The following PLEKHA8 variants were observed in gnomAD, a reference collection of about 807,000 sequenced individuals.
The protein encoded by PLEKHA8 is pleckstrin homology domain containing A8.
PLEKHA8 carries 36 observed loss-of-function variants against 68.2 expected under a neutral mutation model. The ratio of observed to expected loss-of-function variants is 0.53; its 90% CI spans 0.40 to 0.70. PLEKHA8 has a LOEUF of 0.70. Among genes scored for constraint, PLEKHA8 ranks in the 30% least tolerant of loss-of-function variants. PLEKHA8 has a pLI of 0.00. For synonymous variants in PLEKHA8, 211 were observed against 216.1 expected (o/e 0.98, Z 0.20); for missense variants, 505 against 615.4 (o/e 0.82, Z 1.90).
chr7:30,103,286 T>C (rs1391924078), intron 13 of PLEKHA8, among the ~76,000 whole-genome samples: 2 of 152,248 alleles, frequency 1.3e-5, no homozygotes, highest in African/African-American at 2.4e-5. Flanking sequence ...TAATGTAATA[T>C]ACCAAAAGTT....
Position 30,066,854 on chromosome 7 carries a change from G to A in PLEKHA8, c.1300+4112G>A, listed in dbSNP as rs78121948. Among the ~76,000 whole-genome samples, 567 of 152,300 alleles carry A rather than the reference G, an allele frequency of 3.7e-3. 6 individuals carry two copies. Among genetic ancestry groups the A allele is most frequent in the African/African-American group, 0.013 (549 of 41,570 alleles). On this transcript the variant is annotated intron_variant, in intron 12 of 13. Coordinates refer to ENST00000449726, the MANE Select transcript of PLEKHA8 (RefSeq NM_001197026.2). ...AGAAAAAATTTTAAAAGGATGCTCA[G>A]TCATGTATTTAATATGAAAGGCTTT...
rs1257500205 is a variant in PLEKHA8 at position 30,055,312 on chromosome 7, G to A, written c.1009G>A (p.Ala337Thr). The change falls in exon 9 of 14, where the codon GCA (alanine) becomes ACA (threonine). Residue 337 changes from alanine (A) to threonine (T), a missense_variant. Transcript: ENST00000449726. ...TGGCATTCCCACAGAAGCATTCTTGGCATCATGTTATGCTGTGGTTCCAGT... is the reference window on the plus strand; with the variant it reads ...TGGCATTCCCACAGAAGCATTCTTGACATCATGTTATGCTGTGGTTCCAGT... Reference protein sequence around the residue: ...DSGIPTEAFLASCYAVVPVLD... With the variant: ...DSGIPTEAFLTSCYAVVPVLD... The A allele has an allele frequency of 6.2e-7, 1 of 1,614,126 alleles. No individual in the cohort carries two copies. Among genetic ancestry groups the A allele is most frequent in the South Asian group, 1.1e-5 (1 of 91,080 alleles).
rs377492136 is a variant in PLEKHA8 at position 30,097,310 on chromosome 7, A to G, written c.1362+23178A>G. 2.0e-5 allele frequency among the ~76,000 whole-genome samples: 3 copies of G among 152,064 alleles called. No homozygotes were observed. The East Asian group carries it at 5.8e-4, about 29-fold the overall frequency. On this transcript the variant is annotated intron_variant, in intron 13 of 13. Transcript: ENST00000396257. The stretch of plus-strand genomic sequence containing the variant: ...GAATCTGATAATTATGTGTCTTGGA[A>G]TTGCTCTTCTTGAGGAGTCTCTTTG...
In PLEKHA8 at chr7:30,083,066, A is replaced by G; in HGVS notation, c.*4279A>G. On this transcript the variant is annotated 3_prime_UTR_variant, in exon 14 of 14. Transcript: ENST00000449726. Reference sequence around the variant, plus strand: ...TCTATCAACCTTTTTTAAATTTTAAAATTTTTAGATGTAGAGTTTATAAGT... The same window carrying G: ...TCTATCAACCTTTTTTAAATTTTAAGATTTTTAGATGTAGAGTTTATAAGT... 1 of 981,620 alleles carries G rather than the reference A, an allele frequency of 1.0e-6. No homozygotes were observed. Among genetic ancestry groups the G allele is most frequent in the Non-Finnish European group, 1.2e-6 (1 of 826,652 alleles). 60.8% of individuals were successfully genotyped at this position (981,620 alleles called of 1,614,324 possible). A position where few individuals can be genotyped will look rare whatever the true frequency, so the allele number is the denominator to read the frequency against.
At chr7:30,093,138 C>A (rs1795481062), downstream of PLEKHA8, among the ~76,000 whole-genome samples, 1 of 152,108 alleles carries the variant, frequency 6.6e-6, no homozygotes, top group African/African-American at 2.4e-5. Flanking sequence ...GAGAAACATG[C>A]CTAAACTGGG....
At chr7:30,104,351 A>G (rs964046324) in intron 13 of PLEKHA8, among the ~76,000 whole-genome samples, 6 of 152,208 alleles carry the variant, frequency 3.9e-5, no homozygotes, top group African/African-American at 1.2e-4. Context: ...TTTTTCCATA[A>G]TAGCCCCAAT....
intron 11 of PLEKHA8, among the ~76,000 whole-genome samples, chr7:30,062,348 A>T (rs1340641383): frequency 6.6e-6 from 1 of 152,188 alleles, no homozygotes; most frequent in Non-Finnish European, 1.5e-5. Flanking sequence ...CTAGACTCGG[A>T]AACAGTTTCT....
chr7:30,044,038 T>C (rs1351501273), intron 1 of PLEKHA8, among the ~76,000 whole-genome samples: 1 of 151,754 alleles, frequency 6.6e-6, no homozygotes, highest in East Asian at 1.9e-4. Context: ...GATGATTTTT[T>C]TTTTTTTTTT....
chr7:30,083,875 T>G lies in PLEKHA8; in HGVS notation c.*5088T>G. The G allele has an allele frequency of 1.0e-6, 1 of 985,432 alleles. No homozygotes were observed. The allele number at this position is 985,432 out of a possible 1,614,324, so 61.0% of individuals were successfully genotyped here. On this transcript the variant is annotated 3_prime_UTR_variant, in exon 14 of 14. Coordinates refer to ENST00000449726, the MANE Select transcript of PLEKHA8 (RefSeq NM_001197026.2). ...TGGTTGATACCCCTTACAAAGTCGA[T>G]CTTACCCACACAGACTCCTGTGTAT...
chr7:30,041,545 C>T (rs1327533698), intron 1 of PLEKHA8, among the ~76,000 whole-genome samples: 1 of 151,208 alleles, frequency 6.6e-6, no homozygotes. Context: ...TCAGGTGCAT[C>T]ACCTTGCCCA....
rs1437926229 is a variant in PLEKHA8, at chr7:30,080,253, G to C, written c.*1466G>C. On this transcript the variant is annotated 3_prime_UTR_variant, in exon 14 of 14. Coordinates refer to ENST00000449726, the MANE Select transcript of PLEKHA8 (RefSeq NM_001197026.2). ...TATTGAGTGGGCATTCTTCTGCACAGTGTGATGCTCCAACCCTGGCCCTAG... is the reference window on the plus strand; with the variant it reads ...TATTGAGTGGGCATTCTTCTGCACACTGTGATGCTCCAACCCTGGCCCTAG... The C allele has an allele frequency of 1.7e-5, 17 of 985,312 alleles. No individual in the cohort carries two copies. Among genetic ancestry groups the C allele is most frequent in the Non-Finnish European group, 2.0e-5 (17 of 829,948 alleles). 61.0% of individuals were successfully genotyped at this position (985,312 alleles called of 1,614,324 possible).
At chr7:30,115,436 A>C (rs1276233610) in intron 13 of PLEKHA8, among the ~76,000 whole-genome samples, 1 of 151,934 alleles carries the variant, frequency 6.6e-6, no homozygotes, top group African/African-American at 2.4e-5. Context: ...TTAGATATAC[A>C]TATATACATG....
Position 30,080,298 on chromosome 7 carries a change from C to T in PLEKHA8, c.*1511C>T, listed in dbSNP as rs1683643210. The T allele has an allele frequency of 2.0e-6, 2 of 985,388 alleles. No homozygotes were observed. The highest frequency in any genetic ancestry group is 4.7e-5 in the South Asian group (1 of 21,288). 61.0% of individuals were successfully genotyped at this position (985,388 alleles called of 1,614,324 possible). On this transcript the variant is annotated 3_prime_UTR_variant, in exon 14 of 14. Coordinates refer to ENST00000449726, the MANE Select transcript of PLEKHA8 (RefSeq NM_001197026.2). ...CCCTAGTCTCAGTAGACCATGCTGC[C>T]TCGAGTGTGCATCGGAGAGAAGCCA...
chr7:30,033,094 G>T (rs1053094638), intron 1 of PLEKHA8, among the ~76,000 whole-genome samples: 1 of 152,158 alleles, frequency 6.6e-6, no homozygotes, highest in Non-Finnish European at 1.5e-5. Flanking sequence ...AGGATTCTTG[G>T]TTTCACAACC....
intron 13 of PLEKHA8, among the ~76,000 whole-genome samples, chr7:30,110,791 G>A (rs900931070): frequency 3.3e-5 from 5 of 152,026 alleles, no homozygotes; most frequent in African/African-American, 9.6e-5. Flanking sequence ...TTTTCTTTTG[G>A]TTAATGATGT....
intron 13 of PLEKHA8, among the ~76,000 whole-genome samples, chr7:30,110,399 T>G (rs947103115): frequency 6.6e-6 from 1 of 152,242 alleles, no homozygotes; most frequent in Non-Finnish European, 1.5e-5. Context: ...GTATATGGTG[T>G]TGTGTTGATC....
chr7:30,085,639 A>G (rs1161165345), downstream of PLEKHA8, among the ~76,000 whole-genome samples: 2 of 152,168 alleles, frequency 1.3e-5, no homozygotes, highest in East Asian at 1.9e-4. Flanking sequence ...CCCACGTCTC[A>G]GGGAATCTTC....
At chr7:30,049,958 C>T (rs1792277056) in intron 5 of PLEKHA8, among the ~76,000 whole-genome samples, 1 of 152,198 alleles carries the variant, frequency 6.6e-6, no homozygotes, top group Non-Finnish European at 1.5e-5. Context: ...CTCTTCTTCC[C>T]TGAATCACTA....
intron 13 of PLEKHA8, among the ~76,000 whole-genome samples, chr7:30,110,743 G>A (rs998283296): frequency 4.6e-5 from 7 of 152,212 alleles, no homozygotes; most frequent in South Asian, 2.1e-4. Context: ...GTGAGTGCAA[G>A]TGTGAAGTAG....
Sources: gnomAD v4.1 joint callset for allele counts (sites outside exome capture counted in the v4.1 genomes callset) on GRCh38, gnomAD v4.1.1 for gene constraint, MANE v1.5 for transcripts, NCBI Gene and HGNC (gene_info 2026-07-23, HGNC 2026-07-21) for gene names.